The following PDE4B variants were observed in gnomAD, a reference collection of about 807,000 sequenced individuals.
The protein encoded by PDE4B is 3',5'-cyclic-AMP phosphodiesterase 4B.
In PDE4B, 20 loss-of-function variants were observed where a neutral mutation model predicts 82.2. That is an observed-to-expected ratio of 0.24 (90% CI 0.17 to 0.35). PDE4B has a LOEUF of 0.35. Ranked by LOEUF, PDE4B falls within the 10% of genes least tolerant of loss-of-function variation. The probability of loss-of-function intolerance (pLI) is 1.00; values close to 1 mark genes in which losing one functional copy is unlikely to be tolerated. For synonymous variants in PDE4B, 320 were observed against 318.9 expected (o/e 1.00, Z -0.04); for missense variants, 655 against 907.2 (o/e 0.72, Z 3.57).
At chr1:66,260,246 G>A (rs903557581) in intron 6 of PDE4B, among the ~76,000 whole-genome samples, 5 of 152,166 alleles carry the variant, frequency 3.3e-5, no homozygotes, top group African/African-American at 1.2e-4. Flanking sequence ...GGGCAAGAAC[G>A]TACAGCTTCC....
At chr1:66,146,311 G>A (rs1646271364) in intron 3 of PDE4B, among the ~76,000 whole-genome samples, 1 of 149,914 alleles carries the variant, frequency 6.7e-6, no homozygotes, top group African/African-American at 2.5e-5. Context: ...AGCCTCCCGA[G>A]TAGCTGGGAC....
intron 3 of PDE4B, among the ~76,000 whole-genome samples, chr1:66,025,316 T>C (rs1238319084): frequency 5.3e-5 from 8 of 152,128 alleles, no homozygotes; most frequent in South Asian, 4.1e-4. Flanking sequence ...ACTTTCAATA[T>C]AAAAGTACTA....
chr1:66,273,511 G>A (rs1655658950), intron 7 of PDE4B, among the ~76,000 whole-genome samples: 1 of 152,160 alleles, frequency 6.6e-6, no homozygotes, highest in Non-Finnish European at 1.5e-5. Context: ...TTTCCTTCTG[G>A]AAAGTGCATT....
intron 3 of PDE4B, among the ~76,000 whole-genome samples, chr1:66,058,838 C>T (rs1204368700): frequency 6.6e-6 from 1 of 152,208 alleles, no homozygotes; most frequent in Non-Finnish European, 1.5e-5. Context: ...CTTTGAAATG[C>T]CCTGGAGCCA....
intron 3 of PDE4B, among the ~76,000 whole-genome samples, chr1:66,184,610 T>C (rs1436862208): frequency 6.6e-6 from 1 of 152,160 alleles, no homozygotes; most frequent in Non-Finnish European, 1.5e-5. Context: ...GTGCACTTAC[T>C]CTATGAATTT....
At chr1:66,047,020 GTTTTA>G (rs987497875) in intron 3 of PDE4B, among the ~76,000 whole-genome samples, 4 of 151,788 alleles carry the variant, frequency 2.6e-5, no homozygotes, top group Non-Finnish European at 5.9e-5. Flanking sequence ...TTTATAAATT[GTTTTA>G]TTTAAAGAAT....
intron 2 of PDE4B, among the ~76,000 whole-genome samples, chr1:65,918,216 T>A (rs979085992): frequency 3.3e-5 from 5 of 152,254 alleles, no homozygotes; most frequent in African/African-American, 1.2e-4. Flanking sequence ...TCTCATAGTT[T>A]GTTCCCATAG....
chr1:66,228,865 G>A (rs188701552), intron 3 of PDE4B, among the ~76,000 whole-genome samples: 78 of 144,416 alleles, frequency 5.4e-4, no homozygotes, highest in African/African-American at 1.8e-3. Flanking sequence ...AGGGTAAAAA[G>A]CAAAAGATAA....
intron 3 of PDE4B, among the ~76,000 whole-genome samples, chr1:66,082,350 G>A (rs780670569): frequency 2.6e-5 from 4 of 152,184 alleles, no homozygotes; most frequent in African/African-American, 2.4e-5. Flanking sequence ...CTGTGGAATC[G>A]ATATGAAGAT....
chr1:66,338,794 G>A lies in PDE4B; in HGVS notation c.747+6174G>A, dbSNP rs757542378. Reference sequence around the variant, plus strand: ...AGCACTTTGGGAGGCCGAGGCGGGCGGATCACAAGGTCAGGATATCGAGAC... The same window carrying A: ...AGCACTTTGGGAGGCCGAGGCGGGCAGATCACAAGGTCAGGATATCGAGAC... On this transcript the variant is annotated intron_variant, in intron 8 of 16. Transcript: ENST00000341517. 1.2e-4 allele frequency among the ~76,000 whole-genome samples: 18 copies of A among 152,130 alleles called. No homozygotes were observed. The South Asian group carries it at 2.5e-3, about 21-fold the overall frequency.
At chr1:66,169,564 A>G (rs531321598) in intron 3 of PDE4B, among the ~76,000 whole-genome samples, 1 of 152,324 alleles carries the variant, frequency 6.6e-6, no homozygotes, top group East Asian at 1.9e-4. Flanking sequence ...GTGTTCTCTC[A>G]TGGTGCACTG....
chr1:65,985,634 T>C (rs1348269094), intron 3 of PDE4B, among the ~76,000 whole-genome samples: 1 of 152,156 alleles, frequency 6.6e-6, no homozygotes, highest in Non-Finnish European at 1.5e-5. Context: ...TCTTTTAGTG[T>C]GGTTTTTACA....
In PDE4B at chr1:66,204,649, T is replaced by C. The variant is rs554407075; in HGVS notation, c.282-42811T>C. Among the ~76,000 whole-genome samples the C allele has an allele frequency of 3.3e-5, 5 of 151,782 alleles. No individual in the cohort carries two copies. In the South Asian group the frequency reaches 8.4e-4, roughly 25 times the overall value. ...CATGGGCGTAGGATCCTCTGAGCCA[T>C]GTGCAGGATATAATCTCCTGGTGTG... On this transcript the variant is annotated intron_variant, in intron 3 of 16. Coordinates refer to ENST00000341517, the MANE Select transcript of PDE4B (RefSeq NM_002600.4).
intron 3 of PDE4B, among the ~76,000 whole-genome samples, chr1:66,111,268 T>C (rs1384050922): frequency 6.6e-6 from 1 of 152,116 alleles, no homozygotes; most frequent in East Asian, 1.9e-4. Context: ...GTGTAAAATA[T>C]ATATAACAAA....
At chr1:66,139,888 A>G (rs1393642990) in intron 3 of PDE4B, among the ~76,000 whole-genome samples, 2 of 152,198 alleles carry the variant, frequency 1.3e-5, no homozygotes, top group Non-Finnish European at 2.9e-5. Context: ...CAGGCATCCC[A>G]TTGTATATGT....
intron 3 of PDE4B, among the ~76,000 whole-genome samples, chr1:66,120,150 C>T (rs554893267): frequency 1.4e-4 from 22 of 152,282 alleles, no homozygotes; most frequent in African/African-American, 5.3e-4. Context: ...CTCTGTGTCA[C>T]CTCTCCAAAT....
chr1:65,976,541 G>T (rs1002814126), intron 3 of PDE4B, among the ~76,000 whole-genome samples: 1 of 152,140 alleles, frequency 6.6e-6, no homozygotes. Flanking sequence ...CATGAGATTT[G>T]GGAGGGTCCA....
At chr1:65,842,745 TTG>T (rs1646221783) in intron 1 of PDE4B, among the ~76,000 whole-genome samples, 1 of 152,152 alleles carries the variant, frequency 6.6e-6, no homozygotes, top group Non-Finnish European at 1.5e-5. Flanking sequence ...AAAAATAAGT[TTG>T]TGCCCTAAAA....
intron 7 of PDE4B, chr1:66,332,275 CT>C: frequency 4.7e-6 from 7 of 1,496,364 alleles, no homozygotes; most frequent in Non-Finnish European, 5.3e-6. Context: ...TCACCGACAC[CT>C]CATCCAGGCG....
Sources: allele counts gnomAD v4.1 joint callset (sites outside exome capture counted in the v4.1 genomes callset), GRCh38; gene constraint gnomAD v4.1.1; transcripts MANE v1.5; gene names NCBI Gene and HGNC (gene_info 2026-07-23, HGNC 2026-07-21).